DCAF6: variants seen among roughly 807,000 people sequenced by gnomAD.
The protein encoded by DCAF6 is DDB1- and CUL4-associated factor 6.
Under a neutral mutation model 125.1 loss-of-function variants are expected in DCAF6, and 54 were observed. The observed-to-expected ratio is 0.43, with a 90% CI of 0.35 to 0.54. The LOEUF (loss-of-function observed/expected upper bound fraction) is 0.54. Ranked by LOEUF, DCAF6 falls within the 20% of genes least tolerant of loss-of-function variation. DCAF6 has a pLI of 0.01. For synonymous variants in DCAF6, 371 were observed against 390.4 expected (o/e 0.95, Z 0.58); for missense variants, 934 against 1,161.7 (o/e 0.80, Z 2.85).
At chr1:167,867,593 T>C in the DCAF6 span, among the ~76,000 whole-genome samples, 20 of 152,318 alleles carry the variant, frequency 1.3e-4, no homozygotes, top group Admixed American at 1.0e-3. Flanking sequence ...TTATGACCCA[T>C]TTTAAGCCTC....
intron 16 of DCAF6, among the ~76,000 whole-genome samples, chr1:168,045,881 A>AT (rs1689101821): frequency 6.6e-6 from 1 of 152,128 alleles, no homozygotes; most frequent in Non-Finnish European, 1.5e-5. Flanking sequence ...TACTCATGGA[A>AT]AACTATTTCT....
At chr1:168,004,296 A>G (rs1305170795) in intron 9 of DCAF6, among the ~76,000 whole-genome samples, 2 of 152,138 alleles carry the variant, frequency 1.3e-5, no homozygotes, top group Non-Finnish European at 2.9e-5. Context: ...CTGTGTATAA[A>G]CAAGTTTTAT....
intron 16 of DCAF6, 75 bp from the exon 17 acceptor site, chr1:168,050,817 T>TG (rs1419500618): frequency 1.3e-6 from 1 of 785,026 alleles, no homozygotes; most frequent in Non-Finnish European, 1.8e-6. Flanking sequence ...ATAAAAAGGG[T>TG]GTCCTTAATG....
At chr1:168,052,459 C>T (rs1473872569) in intron 17 of DCAF6, among the ~76,000 whole-genome samples, 1 of 152,156 alleles carries the variant, frequency 6.6e-6, no homozygotes. Flanking sequence ...TCATTCTTCT[C>T]TACTTCATTT....
chr1:167,907,473 G>A, the DCAF6 span, among the ~76,000 whole-genome samples: 1 of 152,180 alleles, frequency 6.6e-6, no homozygotes, highest in East Asian at 1.9e-4. Context: ...AAGGTAGTGG[G>A]AAAGAGGATG....
chr1:167,960,418 A>C (rs56081546), intron 2 of DCAF6, among the ~76,000 whole-genome samples: 21,119 of 151,330 alleles, frequency 0.14, 1,959 homozygotes, highest in African/African-American at 0.26. Flanking sequence ...CCTGCCTCAG[A>C]CTCCCGAGTA....
At chr1:167,901,996 A>C in the DCAF6 span, 1 of 1,613,518 alleles carries the variant, frequency 6.2e-7, no homozygotes, top group Non-Finnish European at 8.5e-7. Flanking sequence ...TACCCCTTCT[A>C]TCTTAGTAAG....
the DCAF6 span, among the ~76,000 whole-genome samples, chr1:167,883,132 G>T: frequency 1.3e-5 from 2 of 152,220 alleles, no homozygotes; most frequent in Non-Finnish European, 2.9e-5. Flanking sequence ...CCGCCTCTCA[G>T]GTTCAAGCCA....
intron 17 of DCAF6, among the ~76,000 whole-genome samples, chr1:168,053,060 C>A (rs6668938): frequency 0.011 from 1,668 of 152,256 alleles, 28 homozygotes; most frequent in African/African-American, 0.036. Context: ...GTCAGCGTAT[C>A]TTTACATACT....
chr1:167,923,683 T>C, the DCAF6 span, among the ~76,000 whole-genome samples: 28 of 152,052 alleles, frequency 1.8e-4, no homozygotes, highest in African/African-American at 5.3e-4. Flanking sequence ...GTAAGTTTTA[T>C]ATGTATTTTA....
chr1:167,896,754 A>G, the DCAF6 span: 7 of 1,161,140 alleles, frequency 6.0e-6, no homozygotes, highest in African/African-American at 7.6e-5. Context: ...TTTGAAGTGT[A>G]ATTTCTTAGC....
chr1:167,968,901 C>T (rs891259015), intron 3 of DCAF6, among the ~76,000 whole-genome samples: 1 of 152,152 alleles, frequency 6.6e-6, no homozygotes, highest in Non-Finnish European at 1.5e-5. Flanking sequence ...ATAAGTGGCA[C>T]AGTAGTCTTA....
chr1:168,022,929 A>T, intron 11 of DCAF6, 59 bp from the exon 12 acceptor site: 1 of 1,445,206 alleles, frequency 6.9e-7, no homozygotes, highest in Non-Finnish European at 9.7e-7. Context: ...GATGATCATG[A>T]CATTGCTGTG....
At chr1:167,986,114 T>G (rs771689994) in intron 4 of DCAF6, among the ~76,000 whole-genome samples, 29 of 152,370 alleles carry the variant, frequency 1.9e-4, no homozygotes, top group Non-Finnish European at 3.2e-4. Flanking sequence ...AATCCCAGTT[T>G]ATTGTTGGAT....
At chr1:167,940,436 G>A (rs1672064184) in intron 1 of DCAF6, among the ~76,000 whole-genome samples, 1 of 152,022 alleles carries the variant, frequency 6.6e-6, no homozygotes, top group Admixed American at 6.6e-5. Context: ...GTGTGCAGTG[G>A]CACCCTCATG....
At chr1:167,969,798 A>G (rs1295737917) in intron 3 of DCAF6, among the ~76,000 whole-genome samples, 3 of 152,180 alleles carry the variant, frequency 2.0e-5, no homozygotes, top group Non-Finnish European at 4.4e-5. Context: ...CTTTTTTGAG[A>G]TAGAGTCTTG....
chr1:168,031,268 GA>G (rs1327376042), intron 12 of DCAF6, among the ~76,000 whole-genome samples: 9 of 152,198 alleles, frequency 5.9e-5, no homozygotes, highest in African/African-American at 2.2e-4. Flanking sequence ...TTTTGCCAGC[GA>G]AGAGCTGGTA....
the DCAF6 span, among the ~76,000 whole-genome samples, chr1:167,904,206 G>T: frequency 4.0e-5 from 6 of 150,516 alleles, no homozygotes; most frequent in African/African-American, 1.5e-4. Context: ...TCCTGCCTCA[G>T]CCTTCCGAGC....
intron 1 of DCAF6, among the ~76,000 whole-genome samples, chr1:167,937,522 A>G (rs918034705): frequency 6.6e-6 from 1 of 152,064 alleles, no homozygotes; most frequent in African/African-American, 2.4e-5. Flanking sequence ...GCGCTGAGCC[A>G]AAACCTAAAA....
Sources: gnomAD v4.1 joint callset for allele counts (sites outside exome capture counted in the v4.1 genomes callset) on GRCh38, gnomAD v4.1.1 for gene constraint, MANE v1.5 for transcripts, NCBI Gene and HGNC (gene_info 2026-07-23, HGNC 2026-07-21) for gene names.